Variants in CSTPP1 observed in about 807,000 individuals in gnomAD.
The protein encoded by CSTPP1 is centriolar satellite-associated tubulin polyglutamylase complex regulator 1, also known as UPF0705 protein C11orf49.
chr11:47,162,557 C>T, the CSTPP1 span, among the ~76,000 whole-genome samples: 1 of 152,170 alleles, frequency 6.6e-6, no homozygotes, highest in South Asian at 2.1e-4. Context: ...TCAACATTTG[C>T]CAAGCACCTG....
the CSTPP1 span, among the ~76,000 whole-genome samples, chr11:46,955,310 G>T: frequency 0.17 from 25,666 of 150,746 alleles, 7,302 homozygotes; most frequent in African/African-American, 0.59. Context: ...GAAATTAAAA[G>T]TAAGTAGGTT....
the CSTPP1 span, among the ~76,000 whole-genome samples, chr11:46,996,155 T>C: frequency 1.3e-5 from 2 of 152,172 alleles, no homozygotes; most frequent in Non-Finnish European, 2.9e-5. Context: ...TCCCTTTATT[T>C]TGAGCCTATG....
At chr11:47,120,787 A>C in the CSTPP1 span, among the ~76,000 whole-genome samples, 1 of 152,218 alleles carries the variant, frequency 6.6e-6, no homozygotes, top group Admixed American at 6.5e-5. This position sits in a 1 kb window ranked among gnomAD's most constrained non-coding sequence, Gnocchi z 4.2. Context: ...ATTCAATGAG[A>C]GTAATGATGC....
chr11:47,089,958 C>T, the CSTPP1 span, among the ~76,000 whole-genome samples: 1 of 152,110 alleles, frequency 6.6e-6, no homozygotes, highest in African/African-American at 2.4e-5. Context: ...GTGTAGAGGA[C>T]AAATAAATGG....
the CSTPP1 span, among the ~76,000 whole-genome samples, chr11:47,153,445 G>T: frequency 5.9e-5 from 9 of 152,184 alleles, no homozygotes; most frequent in Non-Finnish European, 1.3e-4. Context: ...GAAACTAGGA[G>T]GTAAAATGTT....
At chr11:47,068,698 G>C in the CSTPP1 span, among the ~76,000 whole-genome samples, 2 of 151,800 alleles carry the variant, frequency 1.3e-5, no homozygotes, top group African/African-American at 4.8e-5. Context: ...TACTTTGTTA[G>C]TATCTTAACA....
the CSTPP1 span, among the ~76,000 whole-genome samples, chr11:47,133,815 T>G: frequency 6.6e-6 from 1 of 152,196 alleles, no homozygotes; most frequent in Non-Finnish European, 1.5e-5. Flanking sequence ...GAATTCCAGT[T>G]CTACCTCTTA....
the CSTPP1 span, among the ~76,000 whole-genome samples, chr11:46,938,780 CTTT>C: frequency 8.1e-6 from 1 of 123,640 alleles, no homozygotes. Flanking sequence ...TTTTCTTCTT[CTTT>C]TTTTTTTTTT....
chr11:47,164,240 G>C, the CSTPP1 span: 1 of 1,613,046 alleles, frequency 6.2e-7, no homozygotes, highest in Non-Finnish European at 8.5e-7. Flanking sequence ...ACCGGTGGGA[G>C]CCCAGAGAGT....
chr11:47,025,006 G>A, the CSTPP1 span, among the ~76,000 whole-genome samples: 1 of 152,072 alleles, frequency 6.6e-6, no homozygotes, highest in East Asian at 1.9e-4. Context: ...TTTTCCTGTG[G>A]TATAATACTG....
chr11:47,072,163 C>T, the CSTPP1 span, among the ~76,000 whole-genome samples: 1 of 152,192 alleles, frequency 6.6e-6, no homozygotes, highest in South Asian at 2.1e-4. Flanking sequence ...TGCAGTCAGT[C>T]GCACCCAGTT....
At chr11:46,963,945 AATTC>A in the CSTPP1 span, among the ~76,000 whole-genome samples, 2 of 152,100 alleles carry the variant, frequency 1.3e-5, no homozygotes, top group African/African-American at 2.4e-5. Context: ...TAAAACACCT[AATTC>A]ATTATTTTTA....
chr11:47,020,869 G>C, the CSTPP1 span, among the ~76,000 whole-genome samples: 3 of 152,284 alleles, frequency 2.0e-5, no homozygotes, highest in African/African-American at 7.2e-5. Flanking sequence ...CTCTGCATAG[G>C]AGGAGATATA....
At chr11:47,128,446 A>G in the CSTPP1 span, among the ~76,000 whole-genome samples, 1 of 152,146 alleles carries the variant, frequency 6.6e-6, no homozygotes, top group African/African-American at 2.4e-5. Flanking sequence ...CAGTGGTGCA[A>G]TCATGGCTCA....
the CSTPP1 span, among the ~76,000 whole-genome samples, chr11:47,141,809 T>C: frequency 6.6e-6 from 1 of 151,244 alleles, no homozygotes; most frequent in African/African-American, 2.4e-5. Context: ...GGTGCACATC[T>C]ATAATCCCAG....
the CSTPP1 span, among the ~76,000 whole-genome samples, chr11:46,950,697 C>T: frequency 6.6e-6 from 1 of 151,872 alleles, no homozygotes; most frequent in Admixed American, 6.6e-5. Context: ...CTGCAACCTC[C>T]ACCTCCCGGG....
the CSTPP1 span, among the ~76,000 whole-genome samples, chr11:46,989,577 A>G: frequency 2.0e-5 from 3 of 152,252 alleles, no homozygotes; most frequent in South Asian, 4.1e-4. Flanking sequence ...TTGGGATTGT[A>G]GGCATGAGCC....
the CSTPP1 span, among the ~76,000 whole-genome samples, chr11:46,978,457 A>G: frequency 6.6e-6 from 1 of 152,166 alleles, no homozygotes; most frequent in Non-Finnish European, 1.5e-5. Context: ...GATCCAAAGT[A>G]TGTTTTTATA....
the CSTPP1 span, among the ~76,000 whole-genome samples, chr11:47,074,573 TA>T: frequency 6.6e-6 from 1 of 151,850 alleles, no homozygotes; most frequent in Admixed American, 6.6e-5. Flanking sequence ...AATTTTCTTT[TA>T]AAAAAGACAT....
Sources: gnomAD v4.1 joint callset for allele counts (sites outside exome capture counted in the v4.1 genomes callset) on GRCh38, gnomAD v4.1.1 for gene constraint, Gnocchi (gnomAD v3.1) non-coding constraint, MANE v1.5 for transcripts, NCBI Gene and HGNC (gene_info 2026-07-23, HGNC 2026-07-21) for gene names.